Variants in SYNPO2 observed in about 807,000 individuals in gnomAD.
The protein encoded by SYNPO2 is synaptopodin-2.
SYNPO2 carries 56 observed loss-of-function variants against 85.0 expected under a neutral mutation model. That is an observed-to-expected ratio of 0.66 (90% CI 0.53 to 0.82). The LOEUF is 0.82. SYNPO2 is among the 40% of genes least tolerant of loss of function. The pLI, the probability that SYNPO2 is intolerant of heterozygous loss-of-function variation, is 0.00. For synonymous variants in SYNPO2, 602 were observed against 591.1 expected (o/e 1.02, Z -0.27); for missense variants, 1,575 against 1,534.2 (o/e 1.03, Z -0.44).
intron 1 of SYNPO2, among the ~76,000 whole-genome samples, chr4:118,914,993 A>C (rs1446986677): frequency 8.8e-6 from 1 of 113,990 alleles, no homozygotes; most frequent in Admixed American, 1.1e-4. Flanking sequence ...GAAAAATACT[A>C]GATGCAAAAA....
intron 1 of SYNPO2, among the ~76,000 whole-genome samples, chr4:118,881,913 A>G (rs1042424913): frequency 6.6e-6 from 1 of 152,260 alleles, no homozygotes; most frequent in Non-Finnish European, 1.5e-5. Context: ...TGCCCAGCAC[A>G]TGATAAATGC....
At chr4:119,044,036 T>C (rs1435265053) in intron 4 of SYNPO2, 1 of 152,016 alleles carries the variant, frequency 6.6e-6, no homozygotes, top group Non-Finnish European at 1.5e-5. Context: ...ATCTCTAATT[T>C]CGTATGTCTG....
intron 1 of SYNPO2, among the ~76,000 whole-genome samples, chr4:119,016,245 AACCCCATCT>A (rs1353093410): frequency 6.6e-6 from 1 of 152,096 alleles, no homozygotes; most frequent in East Asian, 1.9e-4. Context: ...AACATGGCAA[AACCCCATCT>A]CTACTAAAAA....
intron 1 of SYNPO2, among the ~76,000 whole-genome samples, chr4:119,016,953 A>T (rs745558062): frequency 1.3e-5 from 2 of 152,290 alleles, no homozygotes; most frequent in East Asian, 3.9e-4. Flanking sequence ...GGTTGCTACC[A>T]TGAATACTTT....
At chr4:119,033,207 A>G in intron 4 of SYNPO2, 3 of 985,422 alleles carry the variant, frequency 3.0e-6, no homozygotes, top group South Asian at 9.4e-5. Context: ...GTGAGAGCAC[A>G]CAATTATTAG....
rs1032396684 is a variant in SYNPO2, at chr4:118,926,531, A to G, written c.105+37390A>G. Among the ~76,000 whole-genome samples the G allele has an allele frequency of 2.0e-5, 3 of 152,266 alleles. No homozygotes were observed. The South Asian group carries it at 6.2e-4, about 32-fold the overall frequency. The stretch of plus-strand genomic sequence containing the variant: ...AAGGTGATTAAATATTCTTTCTGCC[A>G]TGGTTAAATGGTAATGGCACATAAT... On this transcript the variant is annotated intron_variant, in intron 1 of 4. Coordinates refer to ENST00000307142, the MANE Select transcript of SYNPO2 (RefSeq NM_133477.3).
At chr4:118,879,249 A>C (rs1395139935) in intron 1 of SYNPO2, among the ~76,000 whole-genome samples, 1 of 152,228 alleles carries the variant, frequency 6.6e-6, no homozygotes, top group Non-Finnish European at 1.5e-5. Context: ...CAGGGAGACC[A>C]TGAACCCACT....
intron 1 of SYNPO2, among the ~76,000 whole-genome samples, chr4:118,991,638 G>A (rs1206652270): frequency 6.6e-6 from 1 of 152,154 alleles, no homozygotes; most frequent in African/African-American, 2.4e-5. Flanking sequence ...AGAGGTATAT[G>A]TTGCCTATTG....
At chr4:119,053,056 G>A (rs942071326) in intron 4 of SYNPO2, among the ~76,000 whole-genome samples, 3 of 152,180 alleles carry the variant, frequency 2.0e-5, no homozygotes, top group Admixed American at 6.5e-5. Flanking sequence ...TAGGATTCCA[G>A]CGTCAGACAT....
At chr4:119,010,312 A>G (rs543770035) in intron 1 of SYNPO2, among the ~76,000 whole-genome samples, 10 of 152,348 alleles carry the variant, frequency 6.6e-5, no homozygotes, top group South Asian at 6.2e-4. Context: ...TTACAGTTCC[A>G]TATGGCTAGG....
chr4:118,877,012 C>T (rs1001745298), intron 1 of SYNPO2, among the ~76,000 whole-genome samples: 3 of 151,600 alleles, frequency 2.0e-5, no homozygotes, highest in African/African-American at 7.3e-5. Flanking sequence ...CCCTATGTTG[C>T]CTAGGCTGGT....
chr4:119,032,080 C>T (rs774863779), intron 4 of SYNPO2, 53 bp downstream of exon 4: 2 of 1,592,652 alleles, frequency 1.3e-6, no homozygotes, highest in Non-Finnish European at 1.7e-6. Flanking sequence ...AGCTGAGTGT[C>T]CACTTTGCTT....
At chr4:119,000,809 C>T (rs1054730607) in intron 1 of SYNPO2, among the ~76,000 whole-genome samples, 1 of 152,164 alleles carries the variant, frequency 6.6e-6, no homozygotes, top group African/African-American at 2.4e-5. Flanking sequence ...TCAATTATGT[C>T]ATTTGCAGAG....
chr4:118,939,964 C>T (rs1032518088), intron 1 of SYNPO2, among the ~76,000 whole-genome samples: 16 of 147,818 alleles, frequency 1.1e-4, no homozygotes, highest in Non-Finnish European at 2.1e-4. Context: ...AGCCTTTTAG[C>T]CCTTTCTCTC....
At chr4:118,929,855 A>G (rs540324053) in intron 1 of SYNPO2, among the ~76,000 whole-genome samples, 2 of 152,200 alleles carry the variant, frequency 1.3e-5, no homozygotes, top group African/African-American at 4.8e-5. Context: ...TTGGTTTCTA[A>G]TTTATTTATT....
intron 4 of SYNPO2, among the ~76,000 whole-genome samples, chr4:119,052,930 A>G (rs1739097866): frequency 6.6e-6 from 1 of 152,210 alleles, no homozygotes; most frequent in African/African-American, 2.4e-5. Context: ...TGATGGGTAA[A>G]GCTAATTTAA....
At chr4:119,046,667 C>G (rs868132139) in intron 4 of SYNPO2, among the ~76,000 whole-genome samples, 1 of 152,268 alleles carries the variant, frequency 6.6e-6, no homozygotes, top group African/African-American at 2.4e-5. Flanking sequence ...ACAATCTTTA[C>G]TCTGCCCATA....
intron 1 of SYNPO2, among the ~76,000 whole-genome samples, chr4:118,923,888 C>CAAA (rs35102295): frequency 2.3e-5 from 3 of 128,842 alleles, no homozygotes; most frequent in Admixed American, 7.7e-5. Flanking sequence ...AGACTGCACT[C>CAAA]AAAAAAAAAA....
rs77151158 is a variant in SYNPO2 at position 118,983,214 on chromosome 4, T to C, written c.106-40216T>C. Among the ~76,000 whole-genome samples the C allele has an allele frequency of 1.1e-3, 163 of 152,294 alleles. 3 individuals are homozygous for C. In the East Asian group the frequency reaches 0.029, roughly 27 times the overall value. On this transcript the variant is annotated intron_variant, in intron 1 of 4. Transcript: ENST00000307142. ...ATCCCTTTCAGTCTTTTCCAGGATC[T>C]TGTTCCATCAAACATCTCCCTACCT... is the stretch of plus-strand genomic sequence containing the variant.
Sources: gnomAD v4.1 joint callset for allele counts (sites outside exome capture counted in the v4.1 genomes callset) on GRCh38, gnomAD v4.1.1 for gene constraint, MANE v1.5 for transcripts, NCBI Gene and HGNC (gene_info 2026-07-23, HGNC 2026-07-21) for gene names.